The following CACNA2D1 variants were observed in gnomAD, a reference collection of about 807,000 sequenced individuals.
The protein encoded by CACNA2D1 is calcium voltage-gated channel auxiliary subunit alpha2delta 1.
Under a neutral mutation model 171.5 loss-of-function variants are expected in CACNA2D1, and 53 were observed. The observed-to-expected ratio is 0.31, with a 90% CI of 0.25 to 0.39. The LOEUF (loss-of-function observed/expected upper bound fraction) is 0.39. Among genes scored for constraint, CACNA2D1 ranks in the 10% least tolerant of loss-of-function variants. CACNA2D1 has a pLI of 1.00. For synonymous variants in CACNA2D1, 442 were observed against 443.1 expected, an observed-to-expected ratio of 1.00 and a Z score of 0.03; for missense variants, 903 against 1,299.8, an observed-to-expected ratio of 0.69 and a Z score of 4.69.
At chr7:81,965,569 A>T in intron 32 of CACNA2D1, 25 bp downstream of exon 32, 1 of 1,259,200 alleles carries the variant, frequency 7.9e-7, no homozygotes, top group East Asian at 2.3e-5. Flanking sequence ...GGAAAGCCTA[A>T]TTCCCTCTTA....
chr7:82,236,914 C>A lies in CACNA2D1; in HGVS notation c.295-66305G>T, dbSNP rs181141312. On this transcript the variant is annotated intron_variant, in intron 3 of 38. Coordinates refer to ENST00000356860, the MANE Select transcript of CACNA2D1 (RefSeq NM_000722.4). ...AGACTGAAATAAAATAATAAATAAT[C>A]CAATTACTAGGAACTTACTAAAGAG... 2.7e-3 allele frequency among the ~76,000 whole-genome samples: 409 copies of A among 151,938 alleles called. 6 individuals are homozygous for A. The South Asian group carries it at 0.045, about 17-fold the overall frequency.
chr7:82,436,484 G>C (rs1243789359), intron 1 of CACNA2D1, among the ~76,000 whole-genome samples: 6 of 152,092 alleles, frequency 3.9e-5, no homozygotes, highest in Non-Finnish European at 8.8e-5. Context: ...CTGAGATCTA[G>C]ATAATTTTAT....
At chr7:82,438,130 T>C (rs555497327) in intron 1 of CACNA2D1, among the ~76,000 whole-genome samples, 1 of 152,282 alleles carries the variant, frequency 6.6e-6, no homozygotes, top group African/African-American at 2.4e-5. Context: ...TGCTTGTGTA[T>C]GCAATATCTC....
intron 1 of CACNA2D1, among the ~76,000 whole-genome samples, chr7:82,430,755 T>C (rs1829605678): frequency 6.6e-6 from 1 of 152,190 alleles, no homozygotes; most frequent in Non-Finnish European, 1.5e-5. Flanking sequence ...ACTTCTGTAT[T>C]GGTTGCGAAA....
Position 81,988,907 on chromosome 7 carries a change from T to G in CACNA2D1, c.1796+2278A>C, listed in dbSNP as rs1378763960. Among the ~76,000 whole-genome samples, 4 of 152,146 alleles carry G rather than the reference T, an allele frequency of 2.6e-5. No individual in the cohort carries two copies. In the East Asian group the frequency reaches 7.7e-4, roughly 29 times the overall value. Reference sequence around the variant, plus strand: ...TAGAAATAAGTTTCTCTATATATGTTTCGTGTGTGTGCATGATGTTAAATT... The same window carrying G: ...TAGAAATAAGTTTCTCTATATATGTGTCGTGTGTGTGCATGATGTTAAATT... On this transcript the variant is annotated intron_variant, in intron 21 of 38. Coordinates refer to ENST00000356860, the MANE Select transcript of CACNA2D1 (RefSeq NM_000722.4).
chr7:82,003,113 C>T (rs1798772100), intron 18 of CACNA2D1, among the ~76,000 whole-genome samples: 2 of 152,024 alleles, frequency 1.3e-5, no homozygotes, highest in Admixed American at 6.6e-5. Flanking sequence ...ATCTGTATAG[C>T]GTGCTCCTTT....
intron 1 of CACNA2D1, among the ~76,000 whole-genome samples, chr7:82,350,378 T>G (rs139594373): frequency 6.6e-6 from 1 of 152,126 alleles, no homozygotes; most frequent in Non-Finnish European, 1.5e-5. Flanking sequence ...GAATATTTTA[T>G]TTCCGGGCCA....
intron 1 of CACNA2D1, among the ~76,000 whole-genome samples, chr7:82,355,723 C>T (rs1820346467): frequency 6.6e-6 from 1 of 151,918 alleles, no homozygotes; most frequent in African/African-American, 2.4e-5. Context: ...TTTCATTTTC[C>T]CAAAGCCAAA....
intron 7 of CACNA2D1, 144 bp from the exon 8 acceptor site, chr7:82,066,668 A>G: frequency 1.6e-6 from 2 of 1,270,788 alleles, no homozygotes; most frequent in East Asian, 5.1e-5. Flanking sequence ...ATCATTTTTA[A>G]GCCCTTATAT....
At chr7:82,055,933 T>C (rs193055816) in intron 10 of CACNA2D1, among the ~76,000 whole-genome samples, 2,317 of 134,310 alleles carry the variant, frequency 0.017, 83 homozygotes, top group African/African-American at 0.061. Context: ...TGTGTGTGTA[T>C]ATATATATAT....
At chr7:82,396,238 C>A (rs888117554) in intron 1 of CACNA2D1, among the ~76,000 whole-genome samples, 2 of 152,052 alleles carry the variant, frequency 1.3e-5, no homozygotes, top group African/African-American at 2.4e-5. Flanking sequence ...AATCCCAGCA[C>A]TTTGGGAGGC....
chr7:81,970,087 G>T, intron 27 of CACNA2D1, 103 bp from the exon 28 acceptor site: 1 of 749,072 alleles, frequency 1.3e-6, no homozygotes. Context: ...TACATCTCAG[G>T]TATGTCTAAA....
intron 28 of CACNA2D1, 59 bp from the exon 29 acceptor site, chr7:81,969,032 T>C: frequency 2.0e-6 from 2 of 975,664 alleles, no homozygotes; most frequent in African/African-American, 3.3e-5. Flanking sequence ...ATAATATTGA[T>C]TTTCCGTCAT....
intron 1 of CACNA2D1, among the ~76,000 whole-genome samples, chr7:82,420,552 T>C (rs1322376579): frequency 2.0e-5 from 3 of 152,142 alleles, no homozygotes; most frequent in East Asian, 1.9e-4. Context: ...ACCACTCTCA[T>C]TGTCAGATAA....
At position 82,443,719 on chromosome 7, in the gene CACNA2D1, TC is replaced by T; in HGVS notation, c.-261del. 1 of 1,234,276 alleles carries T rather than the reference TC, an allele frequency of 8.1e-7. No homozygotes were observed. Among genetic ancestry groups the T allele is most frequent in the Non-Finnish European group, 1.0e-6 (1 of 990,516 alleles). The allele number at this position is 1,234,276 out of a possible 1,614,324, so 76.5% of individuals were successfully genotyped here. A position where few individuals can be genotyped will look rare whatever the true frequency, so the allele number is the denominator to read the frequency against. ...CGCGGCCGCCTTGCCTCCGCCGCCATCAAGGGCGACTTTGGAAACAGACCTC... is the reference window on the plus strand; with the variant it reads ...CGCGGCCGCCTTGCCTCCGCCGCCATAAGGGCGACTTTGGAAACAGACCTC... On this transcript the variant is annotated 5_prime_UTR_variant, in exon 1 of 39. Coordinates refer to ENST00000356860, the MANE Select transcript of CACNA2D1 (RefSeq NM_000722.4).
chr7:82,012,559 T>G (rs1799927173), intron 14 of CACNA2D1, among the ~76,000 whole-genome samples: 1 of 152,152 alleles, frequency 6.6e-6, no homozygotes, highest in Non-Finnish European at 1.5e-5. Context: ...TTGTTTCATG[T>G]TAATCTAAAC....
intron 6 of CACNA2D1, among the ~76,000 whole-genome samples, chr7:82,112,483 C>A (rs185537806): frequency 1.3e-5 from 2 of 152,268 alleles, no homozygotes; most frequent in Admixed American, 1.3e-4. Context: ...CAGATACAGA[C>A]TTTAGAGCAC....
chr7:81,965,751 G>T, intron 31 of CACNA2D1, 86 bp from the exon 32 acceptor site: 1 of 808,774 alleles, frequency 1.2e-6, no homozygotes. Flanking sequence ...CATGATTAGA[G>T]CAATAAAAAT....
intron 26 of CACNA2D1, 173 bp from the exon 27 acceptor site, chr7:81,970,910 T>G: frequency 1.7e-6 from 1 of 587,642 alleles, no homozygotes; most frequent in East Asian, 2.9e-5. Context: ...TTGAAGGATG[T>G]TTAAGGAAGA....
Sources: allele counts gnomAD v4.1 joint callset (sites outside exome capture counted in the v4.1 genomes callset), GRCh38; gene constraint gnomAD v4.1.1; transcripts MANE v1.5; gene names NCBI Gene and HGNC (gene_info 2026-07-23, HGNC 2026-07-21).